The following FEZF1 variants were observed in gnomAD, a reference collection of about 807,000 sequenced individuals.
FEZF1 encodes FEZ family zinc finger 1, also known as fez family zinc finger protein 1.
A neutral mutation model predicts 32.4 loss-of-function variants in FEZF1; 8 were observed. The ratio of observed to expected loss-of-function variants is 0.25; its 90% CI spans 0.15 to 0.45. FEZF1 has a LOEUF of 0.45. Among genes scored for constraint, FEZF1 ranks in the 20% least tolerant of loss-of-function variants. The probability of loss-of-function intolerance (pLI) is 1.00; values close to 1 mark genes in which losing one functional copy is unlikely to be tolerated. For synonymous variants in FEZF1, 259 were observed against 265.2 expected, an observed-to-expected ratio of 0.98 and a Z score of 0.23; for missense variants, 546 against 622.3, an observed-to-expected ratio of 0.88 and a Z score of 1.31.
At position 122,302,986 on chromosome 7, in the gene FEZF1, G is replaced by T; in HGVS notation, c.937-55C>A. ...TTTAGATATTTTCTAATTATGTGAA[G>T]TTCTGCAAGCTCAAAACACAGTAAT... is the stretch of plus-strand genomic sequence containing the variant. On this transcript the variant is annotated intron_variant, in intron 2 of 3. Coordinates refer to ENST00000442488, the MANE Select transcript of FEZF1 (RefSeq NM_001024613.4). The surrounding 1 kb of genome is among the most constrained non-coding windows in gnomAD (Gnocchi z 4.4). 1 of 1,564,852 alleles carries T rather than the reference G, an allele frequency of 6.4e-7. No individual in the cohort carries two copies.
At position 122,302,399 on chromosome 7, in the gene FEZF1, T is replaced by A; in HGVS notation, c.1070-44A>T. On this transcript the variant is annotated intron_variant, in intron 3 of 3. Coordinates refer to ENST00000442488, the MANE Select transcript of FEZF1 (RefSeq NM_001024613.4). The surrounding 1 kb of genome is among the most constrained non-coding windows in gnomAD (Gnocchi z 4.4). ...AGGAATATGGTTCTGAAAAAAAAAATAGCTTAAAAAGGGAGGAGCAGACAC... is the reference window on the plus strand; with the variant it reads ...AGGAATATGGTTCTGAAAAAAAAAAAAGCTTAAAAAGGGAGGAGCAGACAC... 2 of 1,606,812 alleles carry A rather than the reference T, an allele frequency of 1.2e-6. No individual in the cohort carries two copies. Among genetic ancestry groups the A allele is most frequent in the Non-Finnish European group, 1.7e-6 (2 of 1,178,032 alleles).
Position 122,303,517 on chromosome 7 carries a change from GGAAGGAAGGAAGGAA to G in FEZF1, c.801+105_801+119del, listed in dbSNP as rs1563042044. The G allele has an allele frequency of 1.5e-3, 747 of 513,258 alleles. 7 individuals are homozygous for G. Among genetic ancestry groups the G allele is most frequent in the African/African-American group, 4.6e-3 (194 of 41,926 alleles). The allele number at this position is 513,258 out of a possible 1,614,324, so 31.8% of individuals were successfully genotyped here. On this transcript the variant is annotated intron_variant, in intron 1 of 3. Coordinates refer to ENST00000442488, the MANE Select transcript of FEZF1 (RefSeq NM_001024613.4). ...AGGAAGGAAGGAAGGAAGGAAGGAAGGAAGGAAGGAAGGAAGGAAGGAGGGAGGGAAGGAAGGAGG... is the reference window on the plus strand; with the variant it reads ...AGGAAGGAAGGAAGGAAGGAAGGAAGGGAAGGAGGGAGGGAAGGAAGGAGG...
chr7:122,303,120 GT>G, intron 2 of FEZF1, 56 bp downstream of exon 2: 1 of 1,610,898 alleles, frequency 6.2e-7, no homozygotes, highest in Non-Finnish European at 8.5e-7. Flanking sequence ...TTTATCGGCT[GT>G]TTTTCTGCAA....
chr7:122,303,628 T>A lies in FEZF1; in HGVS notation c.801+9A>T. On this transcript the variant is annotated intron_variant, in intron 1 of 3. Coordinates refer to ENST00000442488, the MANE Select transcript of FEZF1 (RefSeq NM_001024613.4). The stretch of plus-strand genomic sequence containing the variant: ...GAAGGAAAGGATCTCCGTTTTGCAT[T>A]GTACTTGCCTTTCCACACACTTCGC... 6.2e-7 allele frequency: 1 copy of A among 1,609,082 alleles called. No homozygotes were observed. Among genetic ancestry groups the A allele is most frequent in the Non-Finnish European group, 8.5e-7 (1 of 1,177,090 alleles).
exon 1 of FEZF1, chr7:122,310,688 G>C (rs1236854338): frequency 1.3e-5 from 2 of 152,198 alleles, no homozygotes; most frequent in East Asian, 1.9e-4. Flanking sequence ...CGCCGACCTC[G>C]GGCCTCTGGA....
At position 122,301,959 on chromosome 7, in the gene FEZF1, G is replaced by C; in HGVS notation, c.*38C>G. The C allele has an allele frequency of 6.5e-7, 1 of 1,545,712 alleles. No individual in the cohort carries two copies. The highest frequency in any genetic ancestry group is 8.6e-7 in the Non-Finnish European group (1 of 1,159,126). On this transcript the variant is annotated 3_prime_UTR_variant, in exon 4 of 4. Coordinates refer to ENST00000442488, the MANE Select transcript of FEZF1 (RefSeq NM_001024613.4). ...CTCTAGTCTGCCGCTGCCTCAGCGT[G>C]GGGGCACGGCTGAGGCTGGGAGGAC...
At chr7:122,309,905 AT>A (rs747039462) in intron 1 of FEZF1, 1 of 152,224 alleles carries the variant, frequency 6.6e-6, no homozygotes, top group Non-Finnish European at 1.5e-5. Context: ...TTTTAAAGAC[AT>A]TTTGTGTTTG....
At chr7:122,303,020 A>G in intron 2 of FEZF1, 89 bp from the exon 3 acceptor site, 1 of 1,516,316 alleles carries the variant, frequency 6.6e-7, no homozygotes, top group Non-Finnish European at 9.0e-7. Context: ...ATGCTTAAAC[A>G]CTTTCAAGCA....
rs543678437 is a variant in FEZF1, at chr7:122,302,974, T to C, written c.937-43A>G. On this transcript the variant is annotated intron_variant, in intron 2 of 3. Transcript: ENST00000442488. The surrounding 1 kb of genome is among the most constrained non-coding windows in gnomAD (Gnocchi z 4.4). Reference sequence around the variant, plus strand: ...AAAGCAGAGACATTTAGATATTTTCTAATTATGTGAAGTTCTGCAAGCTCA... The same window carrying C: ...AAAGCAGAGACATTTAGATATTTTCCAATTATGTGAAGTTCTGCAAGCTCA... The C allele has an allele frequency of 6.4e-7, 1 of 1,574,610 alleles. No individual in the cohort carries two copies. The highest frequency in any genetic ancestry group is 1.2e-5 in the South Asian group (1 of 83,984).
chr7:122,304,178 T>C lies in FEZF1; in HGVS notation c.260A>G (p.Lys87Arg). The change falls in exon 1 of 4, where the codon AAG becomes AGG. Residue 87 changes from lysine (K) to arginine (R), a missense_variant. Coordinates refer to ENST00000442488, the MANE Select transcript of FEZF1 (RefSeq NM_001024613.4). ...CGGCTCGGAGCCCGTCACTCCTGCC[T>C]TGGGGCTCGTGTCGTAGGCCACAGG... Reference protein sequence around the residue: ...FVPVAYDTSPKAGVTGSEPRK... With the variant: ...FVPVAYDTSPRAGVTGSEPRK... The C allele has an allele frequency of 1.3e-6, 2 of 1,599,810 alleles. No homozygotes were observed. The highest frequency in any genetic ancestry group is 1.7e-6 in the Non-Finnish European group (2 of 1,171,174).
chr7:122,310,635 G>A (rs2031398088), exon 1 of FEZF1: 1 of 152,216 alleles, frequency 6.6e-6, no homozygotes, highest in African/African-American at 2.4e-5. Context: ...CCAAGCGTCC[G>A]GCTCCCGGGG....
Position 122,304,495 on chromosome 7 carries a change from C to T in FEZF1, c.-58G>A. 1 of 1,445,178 alleles carries T rather than the reference C, an allele frequency of 6.9e-7. No homozygotes were observed. The highest frequency in any genetic ancestry group is 9.3e-7 in the Non-Finnish European group (1 of 1,074,734). The allele number at this position is 1,445,178 out of a possible 1,614,324, so 89.5% of individuals were successfully genotyped here. ...GGGTTGCGCCGTCCGTTGCCTTGTTCCCTGCTTGTCACAGACCTGCGGAGA... is the reference window on the plus strand; with the variant it reads ...GGGTTGCGCCGTCCGTTGCCTTGTTTCCTGCTTGTCACAGACCTGCGGAGA... On this transcript the variant is annotated 5_prime_UTR_variant, in exon 1 of 4. Coordinates refer to ENST00000442488, the MANE Select transcript of FEZF1 (RefSeq NM_001024613.4).
chr7:122,303,504 AG>A (rs2031122966), intron 1 of FEZF1, 132 bp downstream of exon 1: 18 of 490,984 alleles, frequency 3.7e-5, no homozygotes, highest in Non-Finnish European at 5.7e-5. Context: ...GAAGGAAGGA[AG>A]GAAGGAAGGA....
At position 122,303,452 on chromosome 7, in the gene FEZF1, A is replaced by C. The variant is rs1379275124; in HGVS notation, c.802-141T>G. 6 of 1,059,322 alleles carry C rather than the reference A, an allele frequency of 5.7e-6. No homozygotes were observed. In the African/African-American group the frequency reaches 9.7e-5, roughly 17 times the overall value. The allele number at this position is 1,059,322 out of a possible 1,614,324, so 65.6% of individuals were successfully genotyped here. A position where few individuals can be genotyped will look rare whatever the true frequency, so the allele number is the denominator to read the frequency against. ...CCCCCAAAATACTAAAAAGGGAGGA[A>C]GGAAAGGAGGAGCGAGGGAGGGAAG... On this transcript the variant is annotated intron_variant, in intron 1 of 3. Coordinates refer to ENST00000442488, the MANE Select transcript of FEZF1 (RefSeq NM_001024613.4).
chr7:122,303,598 G>C, intron 1 of FEZF1, 39 bp downstream of exon 1: 2 of 1,483,212 alleles, frequency 1.3e-6, no homozygotes, highest in Non-Finnish European at 1.9e-6. Flanking sequence ...AGGAAGGAAG[G>C]GAGGGAAGGA....
At chr7:122,303,581 G>T in intron 1 of FEZF1, 56 bp downstream of exon 1, 1 of 1,255,632 alleles carries the variant, frequency 8.0e-7, no homozygotes, top group Non-Finnish European at 1.1e-6. Flanking sequence ...AGGGAGGGAA[G>T]GAAGGAAGGA....
Position 122,304,364 on chromosome 7 carries a change from G to A in FEZF1, c.74C>T (p.Thr25Met). The change falls in exon 1 of 4, where the codon ACG (threonine) becomes ATG (methionine). Residue 25 changes from threonine (T) to methionine (M), a missense_variant. This residue lies in a region of FEZF1 where 345 missense variants were observed against 360.6 expected (regional missense o/e 0.96). Coordinates refer to ENST00000442488, the MANE Select transcript of FEZF1 (RefSeq NM_001024613.4). The stretch of plus-strand genomic sequence containing the variant: ...AATGGAGAAAGCCAAGGGTTTGGAC[G>A]TGCTCATCATGTTGCCCCGAGCTGG... ...TAPARGNMMS[T>M]SKPLAFSIER... The A allele has an allele frequency of 1.2e-6, 2 of 1,605,642 alleles. No individual in the cohort carries two copies. The highest frequency in any genetic ancestry group is 1.1e-5 in the South Asian group (1 of 90,476).
rs373878310 is a variant in FEZF1, at chr7:122,303,712, C to A, written c.726G>T (p.Ala242=). The change falls in exon 1 of 4, where the codon GCG becomes GCT. Residue 242 remains alanine (A), a synonymous_variant. Coordinates refer to ENST00000442488, the MANE Select transcript of FEZF1 (RefSeq NM_001024613.4). ...CTCGGCTGAAATCCGAGGTTTTGAACGCGATTTTTTCCGACAGAAGCTGGG... is the reference window on the plus strand; with the variant it reads ...CTCGGCTGAAATCCGAGGTTTTGAAAGCGATTTTTTCCGACAGAAGCTGGG... ...ESAQLLSEKI[A]FKTSDFSRGS... The A allele has an allele frequency of 2.1e-5, 34 of 1,614,080 alleles. No individual in the cohort carries two copies. The highest frequency in any genetic ancestry group is 4.0e-5 in the African/African-American group (3 of 74,926).
chr7:122,303,674 G>T lies in FEZF1; in HGVS notation c.764C>A (p.Ala255Asp). 1.2e-6 allele frequency: 2 copies of T among 1,614,148 alleles called. No individual in the cohort carries two copies. Among genetic ancestry groups the T allele is most frequent in the Non-Finnish European group, 1.7e-6 (2 of 1,180,036 alleles). Residue 255 changes from alanine to aspartate, a missense_variant, in exon 1 of 4, where the codon GCC (alanine) becomes GAC (aspartate). Ala to Asp is a moderately radical substitution (Grantham distance 126). Coordinates refer to ENST00000442488, the MANE Select transcript of FEZF1 (RefSeq NM_001024613.4). ...TTCGCAAGTGAAAACTTTGGGCTTG[G>T]CATTAGGAGAGCCTCGGCTGAAATC... ...TSDFSRGSPN[A>D]KPKVFTCEVC... is the part of the protein sequence containing the mutation.
Sources: allele counts gnomAD v4.1 joint callset, GRCh38; gene constraint gnomAD v4.1.1; regional missense constraint gnomAD v4.1.1; non-coding constraint Gnocchi (gnomAD v3.1); transcripts MANE v1.5; gene names NCBI Gene and HGNC (gene_info 2026-07-23, HGNC 2026-07-21).